SULT2B1: variants seen among roughly 807,000 people sequenced by gnomAD.
The protein encoded by SULT2B1 is sulfotransferase 2B1.
SULT2B1 carries 16 observed loss-of-function variants against 33.2 expected under a neutral mutation model. The ratio of observed to expected loss-of-function variants is 0.48; its 90% CI spans 0.33 to 0.73. SULT2B1 has a LOEUF of 0.73. SULT2B1 is among the 30% of genes least tolerant of loss of function. SULT2B1 has a pLI of 0.02. For missense variants in SULT2B1, 500 were observed against 506.0 expected, an observed-to-expected ratio of 0.99 and a Z score of 0.11; for synonymous variants, 186 against 200.5, an observed-to-expected ratio of 0.93 and a Z score of 0.61.
At chr19:48,583,454 C>T (rs548035851) in intron 2 of SULT2B1, among the ~76,000 whole-genome samples, 16 of 152,298 alleles carry the variant, frequency 1.1e-4, no homozygotes, top group Admixed American at 3.9e-4. Flanking sequence ...CAAATATCTG[C>T]CGTTCATGAA....
At chr19:48,564,047 T>A (rs1222621920) in intron 1 of SULT2B1, among the ~76,000 whole-genome samples, 1 of 150,240 alleles carries the variant, frequency 6.7e-6, no homozygotes, top group Non-Finnish European at 1.5e-5. Flanking sequence ...ATCGAGACCA[T>A]CCTGGCCAAC....
At position 48,552,907 on chromosome 19, in the gene SULT2B1, G is replaced by T. The variant is rs1973048190; in HGVS notation, c.71+584G>T. 6.6e-6 allele frequency among the ~76,000 whole-genome samples: 1 copy of T among 152,140 alleles called. No individual in the cohort carries two copies. The highest frequency in any genetic ancestry group is 2.4e-5 in the African/African-American group (1 of 41,424). ...GCTCAGCGTGACTCCCTCTTCCTGG[G>T]GATGAGTCAGACACTTTGACAGTAC... On this transcript the variant is annotated intron_variant, in intron 1 of 6. Coordinates refer to ENST00000201586, the MANE Select transcript of SULT2B1 (RefSeq NM_177973.2). The surrounding 1 kb of genome is among the most constrained non-coding windows in gnomAD (Gnocchi z 4.8).
intron 5 of SULT2B1, chr19:48,596,206 G>C (rs1973711810): frequency 6.4e-6 from 1 of 155,912 alleles, no homozygotes; most frequent in Admixed American, 6.5e-5. Context: ...GGCAAGGGGA[G>C]GCAGGTGGGG....
chr19:48,596,765 C>T lies in SULT2B1; in HGVS notation c.672C>T (p.Ile224=). 1 of 1,607,484 alleles carries T rather than the reference C, an allele frequency of 6.2e-7. No homozygotes were observed. ...ACTTACAGGGCTCCGTGGAGCGCAT[C>T]TGTGGGTTCCTGGGCCGTCCGCTGG... ...QQDLQGSVER[I]CGFLGRPLGK... Residue 224 remains isoleucine, a synonymous_variant, in exon 6 of 7, where the codon ATC becomes ATT. Transcript: ENST00000201586.
intron 1 of SULT2B1, chr19:48,575,411 A>G (rs898318680): frequency 6.7e-6 from 1 of 149,724 alleles, no homozygotes; most frequent in Non-Finnish European, 1.5e-5. Flanking sequence ...GTGCTGGGAC[A>G]ACAGGTGTGA....
intron 1 of SULT2B1, among the ~76,000 whole-genome samples, chr19:48,559,857 A>G (rs573617728): frequency 6.4e-4 from 98 of 152,126 alleles, no homozygotes; most frequent in Non-Finnish European, 1.0e-3. Flanking sequence ...GCCACAGCTC[A>G]CGCCTGTAAT....
intron 1 of SULT2B1, among the ~76,000 whole-genome samples, chr19:48,575,023 G>A (rs1340457709): frequency 6.6e-6 from 1 of 151,284 alleles, no homozygotes; most frequent in Non-Finnish European, 1.5e-5. Context: ...CGTGGTGCCT[G>A]CTACTGCATG....
At chr19:48,596,592 C>T (rs913280925) in intron 5 of SULT2B1, 147 bp from the exon 6 acceptor site, 1 of 833,598 alleles carries the variant, frequency 1.2e-6, no homozygotes, top group Non-Finnish European at 1.8e-6. Context: ...AGCCCAACCC[C>T]TCAGTTTGGA....
Position 48,588,595 on chromosome 19 carries a change from A to G in SULT2B1, c.423+1158A>G, listed in dbSNP as rs182202328. 8.1e-4 allele frequency among the ~76,000 whole-genome samples: 121 copies of G among 149,550 alleles called. No homozygotes were observed. In the East Asian group the frequency reaches 0.019, roughly 24 times the overall value. Reference sequence around the variant, plus strand: ...TATACTTTAATTATATTTAATATTTATATGTTTAACATATAATAACATAAT... The same window carrying G: ...TATACTTTAATTATATTTAATATTTGTATGTTTAACATATAATAACATAAT... On this transcript the variant is annotated intron_variant, in intron 3 of 6. Transcript: ENST00000201586.
chr19:48,584,149 T>C (rs1477993233), intron 2 of SULT2B1, among the ~76,000 whole-genome samples: 2 of 152,178 alleles, frequency 1.3e-5, no homozygotes, highest in Middle Eastern at 3.4e-3. Flanking sequence ...ATAGCTAAAA[T>C]AGGGTGCAGC....
chr19:48,561,089 C>T (rs977637029), intron 1 of SULT2B1, among the ~76,000 whole-genome samples: 1 of 151,186 alleles, frequency 6.6e-6, no homozygotes, highest in Non-Finnish European at 1.5e-5. Context: ...GCTGAGATCG[C>T]ACCACTGCAC....
In SULT2B1 at chr19:48,576,050, G is replaced by A. The variant is rs146090633; in HGVS notation, c.181G>A (p.Asp61Asn). Residue 61 changes from aspartate (D) to asparagine (N), a missense_variant, in exon 2 of 7, where the codon GAC (aspartate) becomes AAC (asparagine). By Grantham distance (23) the Asp-to-Asn change is conservative. Transcript: ENST00000201586. ...LAENTQDVRD[D>N]DIFIITYPKS... ...GGAGAACACCCAAGATGTGCGGGAC[G>A]ACGACATCTTTATCATCACCTACCC... The A allele has an allele frequency of 9.2e-5, 149 of 1,613,292 alleles. No individual in the cohort carries two copies. The highest frequency in any genetic ancestry group is 6.6e-4 in the Middle Eastern group (4 of 6,062).
rs1414429758 is a variant in SULT2B1, at chr19:48,599,057, G to A, written c.827-78G>A. 3.3e-6 allele frequency: 5 copies of A among 1,513,916 alleles called. No individual in the cohort carries two copies. The highest frequency in any genetic ancestry group is 2.8e-5 in the African/African-American group (2 of 72,104). The allele number at this position is 1,513,916 out of a possible 1,614,324, so 93.8% of individuals were successfully genotyped here. ...CTCGCCAAAGGCCGGGAAGGGGAAGGAGGTTGCTGGAATGTTGGAGGTAGG... is the reference window on the plus strand; with the variant it reads ...CTCGCCAAAGGCCGGGAAGGGGAAGAAGGTTGCTGGAATGTTGGAGGTAGG... On this transcript the variant is annotated intron_variant, in intron 6 of 6. Transcript: ENST00000201586. This position sits in a 1 kb window ranked among gnomAD's most constrained non-coding sequence, Gnocchi z 4.1.
chr19:48,587,249 A>T lies in SULT2B1; in HGVS notation c.235A>T (p.Ile79Phe). ...AACAGGCACGACCTGGATGATCGAG[A>T]TCATCTGCTTAATCCTGAAGGAAGG... The part of the protein sequence containing the change: ...PKSGTTWMIE[I>F]ICLILKEGDP... The change falls in exon 3 of 7, where the codon ATC (isoleucine) becomes TTC (phenylalanine). Residue 79 changes from isoleucine to phenylalanine, a missense_variant. Ile to Phe is a conservative substitution (Grantham distance 21, BLOSUM62 0). Coordinates refer to ENST00000201586, the MANE Select transcript of SULT2B1 (RefSeq NM_177973.2). 6.2e-7 allele frequency: 1 copy of T among 1,612,956 alleles called. No homozygotes were observed. The highest frequency in any genetic ancestry group is 8.5e-7 in the Non-Finnish European group (1 of 1,179,356).
chr19:48,559,740 GC>G (rs1273572196), intron 1 of SULT2B1, among the ~76,000 whole-genome samples: 1 of 150,648 alleles, frequency 6.6e-6, no homozygotes, highest in Non-Finnish European at 1.5e-5. Context: ...TGGAGTGGAG[GC>G]CCTAAGAGAG....
At chr19:48,574,874 C>T (rs1275301254) in intron 1 of SULT2B1, among the ~76,000 whole-genome samples, 1 of 152,116 alleles carries the variant, frequency 6.6e-6, no homozygotes, top group East Asian at 1.9e-4. Context: ...ATGACATCAT[C>T]ACTAATTCCG....
At chr19:48,583,971 G>C (rs1214283586) in intron 2 of SULT2B1, among the ~76,000 whole-genome samples, 1 of 152,094 alleles carries the variant, frequency 6.6e-6, no homozygotes, top group African/African-American at 2.4e-5. Context: ...AATTAGCTGG[G>C]CATGCTGGCG....
intron 2 of SULT2B1, among the ~76,000 whole-genome samples, chr19:48,579,685 C>A (rs1378977813): frequency 6.7e-6 from 1 of 148,344 alleles, no homozygotes; most frequent in Non-Finnish European, 1.5e-5. Context: ...CGGCTCACTG[C>A]AACCTCTGCC....
chr19:48,568,778 G>A (rs1973277988), intron 1 of SULT2B1, among the ~76,000 whole-genome samples: 1 of 152,162 alleles, frequency 6.6e-6, no homozygotes, highest in Admixed American at 6.5e-5. Context: ...CGCCAGGGCT[G>A]CTGAGAAATC....
Sources: gnomAD v4.1 joint callset for allele counts (sites outside exome capture counted in the v4.1 genomes callset) on GRCh38, gnomAD v4.1.1 for gene constraint, Gnocchi (gnomAD v3.1) non-coding constraint, MANE v1.5 for transcripts, NCBI Gene and HGNC (gene_info 2026-07-23, HGNC 2026-07-21) for gene names.